The following DIXDC1 variants were observed in gnomAD, a reference collection of about 807,000 sequenced individuals.
DIXDC1 encodes dixin.
In DIXDC1, 64 loss-of-function variants were observed where a neutral mutation model predicts 103.1. The observed-to-expected ratio is 0.62, with a 90% CI of 0.51 to 0.76. The LOEUF is 0.76. DIXDC1 is among the 30% of genes least tolerant of loss of function. The pLI is 0.00. For missense variants in DIXDC1, 759 were observed against 834.2 expected (o/e 0.91, Z 1.11); for synonymous variants, 266 against 298.5 (o/e 0.89, Z 1.12).
chr11:111,993,538 G>A lies in DIXDC1; in HGVS notation c.1315G>A (p.Ala439Thr), dbSNP rs1860776627. The A allele has an allele frequency of 6.2e-7, 1 of 1,613,980 alleles. No individual in the cohort carries two copies. Among genetic ancestry groups the A allele is most frequent in the East Asian group, 2.2e-5 (1 of 44,884 alleles). ...GGATCGCCTTCTTCAGCAGCACCAG[G>A]CCAAGTTAGAAGAAGCACTCCGGAA... Reference protein sequence around the residue: ...QKDRLLQQHQAKLEEALRKLS... With the variant: ...QKDRLLQQHQTKLEEALRKLS... The change falls in exon 13 of 20, where the codon GCC (alanine) becomes ACC (threonine). Residue 439 changes from alanine to threonine, a missense_variant. By Grantham distance (58) the Ala-to-Thr change is moderately conservative (BLOSUM62 0). Coordinates refer to ENST00000440460, the MANE Select transcript of DIXDC1 (RefSeq NM_001037954.4).
At chr11:111,933,969 G>A (rs970804965), upstream of DIXDC1, among the ~76,000 whole-genome samples, 2 of 152,202 alleles carry the variant, frequency 1.3e-5, no homozygotes, top group African/African-American at 4.8e-5. Flanking sequence ...ATTAACAGAC[G>A]TGATTAATGT....
intron 2 of DIXDC1, among the ~76,000 whole-genome samples, chr11:111,930,384 A>G (rs1965971634): frequency 6.6e-6 from 1 of 152,008 alleles, no homozygotes; most frequent in Admixed American, 6.6e-5. Flanking sequence ...GGTTCAAGCA[A>G]TTCTCCTGCC....
intron 17 of DIXDC1, among the ~76,000 whole-genome samples, chr11:112,001,322 C>T (rs966413771): frequency 2.6e-5 from 4 of 152,150 alleles, no homozygotes; most frequent in African/African-American, 4.8e-5. Flanking sequence ...AGGGAATAAC[C>T]ACTCAGTGCA....
upstream of DIXDC1, among the ~76,000 whole-genome samples, chr11:111,936,601 C>G (rs1966193023): frequency 6.6e-6 from 1 of 152,212 alleles, no homozygotes; most frequent in Non-Finnish European, 1.5e-5. Flanking sequence ...TAGCACTGTT[C>G]TATTGAATGT....
At chr11:111,943,125 T>A (rs912558242) in intron 1 of DIXDC1, among the ~76,000 whole-genome samples, 2 of 152,242 alleles carry the variant, frequency 1.3e-5, no homozygotes, top group Non-Finnish European at 2.9e-5. Context: ...ATTTATTTTT[T>A]AAATTTTGAT....
chr11:111,952,317 A>G (rs782670450), intron 1 of DIXDC1, among the ~76,000 whole-genome samples: 9 of 152,214 alleles, frequency 5.9e-5, no homozygotes, highest in Non-Finnish European at 7.3e-5. Context: ...CCCAGTAAAA[A>G]TTCCAAGAAG....
chr11:111,946,748 A>G (rs1170542752), intron 1 of DIXDC1: 49 of 476,714 alleles, frequency 1.0e-4, no homozygotes, highest in Admixed American at 1.0e-3. Context: ...CGGCCTGGGC[A>G]CACGCCACAT....
chr11:111,980,108 A>G lies in DIXDC1; in HGVS notation c.657-629A>G, dbSNP rs1268711005. On this transcript the variant is annotated intron_variant, in intron 5 of 19. Transcript: ENST00000440460. ...CCTAGCAGGTCTTTCCCCTTTTGAC[A>G]TATTATCTTCCCCTTGTCATGCTCT... Among the ~76,000 whole-genome samples the G allele has an allele frequency of 2.0e-5, 3 of 152,204 alleles. No homozygotes were observed. In the Middle Eastern group the frequency reaches 9.6e-3, roughly 485 times the overall value.
rs1201854923 is a variant in DIXDC1 at position 112,022,606 on chromosome 11, G to C, written c.*3570G>C. On this transcript the variant is annotated 3_prime_UTR_variant, in exon 20 of 20. Transcript: ENST00000440460. This position sits in a 1 kb window ranked among gnomAD's most constrained non-coding sequence, Gnocchi z 4.9. ...TAAATATCATTAATGATTTTCACTT[G>C]CGTTTACTGATGAGATTAATCAATA... The C allele has an allele frequency of 2.0e-5, 3 of 152,572 alleles. No individual in the cohort carries two copies. The East Asian group carries it at 5.8e-4, about 29-fold the overall frequency. The allele number at this position is 152,572 out of a possible 1,614,324, so 9.5% of individuals were successfully genotyped here.
intron 1 of DIXDC1, among the ~76,000 whole-genome samples, chr11:111,948,846 G>A (rs1368813061): frequency 7.2e-5 from 11 of 152,268 alleles, no homozygotes; most frequent in African/African-American, 2.2e-4. Flanking sequence ...ATCAGAGGAC[G>A]CAGCTCTTTT....
Position 112,020,654 on chromosome 11 carries a change from T to G in DIXDC1, c.*1618T>G, listed in dbSNP as rs1280766732. On this transcript the variant is annotated 3_prime_UTR_variant, in exon 20 of 20. Transcript: ENST00000440460. ...TGTGGTTTCAGAACAAGCTTTATTTTATTACGAGTATATTAATGACAACTA... is the reference window on the plus strand; with the variant it reads ...TGTGGTTTCAGAACAAGCTTTATTTGATTACGAGTATATTAATGACAACTA... 1.4e-4 allele frequency: 22 copies of G among 152,216 alleles called. No homozygotes were observed. The highest frequency in any genetic ancestry group is 1.4e-3 in the Admixed American group (21 of 15,276). 9.4% of individuals were successfully genotyped at this position (152,216 alleles called of 1,614,324 possible).
intron 3 of DIXDC1, among the ~76,000 whole-genome samples, chr11:111,969,069 G>A (rs1859825436): frequency 6.6e-6 from 1 of 151,986 alleles, no homozygotes; most frequent in African/African-American, 2.4e-5. Flanking sequence ...GTGAGCCATT[G>A]TGCCCGGGCA....
chr11:111,968,764 A>G, intron 3 of DIXDC1, 126 bp downstream of exon 3: 2 of 1,147,568 alleles, frequency 1.7e-6, no homozygotes, highest in South Asian at 5.6e-5. Flanking sequence ...TTTATTTTTT[A>G]TTTTTTATTT....
At chr11:111,965,453 T>C (rs1859697594) in intron 2 of DIXDC1, among the ~76,000 whole-genome samples, 1 of 152,186 alleles carries the variant, frequency 6.6e-6, no homozygotes, top group Non-Finnish European at 1.5e-5. Context: ...GTTAGCTGAT[T>C]TTGCTTTGAG....
intron 1 of DIXDC1, among the ~76,000 whole-genome samples, chr11:111,955,496 A>G (rs185003015): frequency 2.9e-4 from 44 of 152,140 alleles, no homozygotes; most frequent in Admixed American, 2.6e-4. Flanking sequence ...AACAGGCCAT[A>G]TGGTTCAGCA....
chr11:112,007,852 C>T (rs1555176769), intron 17 of DIXDC1, among the ~76,000 whole-genome samples: 2 of 152,104 alleles, frequency 1.3e-5, no homozygotes, highest in South Asian at 2.1e-4. Context: ...ACTGCAAAAA[C>T]ATGCCAAATT....
At chr11:111,990,362 A>G (rs782390900) in intron 10 of DIXDC1, among the ~76,000 whole-genome samples, 7 of 151,428 alleles carry the variant, frequency 4.6e-5, no homozygotes, top group Non-Finnish European at 1.0e-4. Context: ...AAGTGCTGGG[A>G]TTACAGGTGT....
intron 15 of DIXDC1, 98 bp from the exon 16 acceptor site, chr11:111,995,305 G>C (rs1253016994): frequency 2.0e-6 from 3 of 1,516,458 alleles, no homozygotes; most frequent in Non-Finnish European, 2.7e-6. Context: ...TTCTGTGGGG[G>C]AAAAATCTTC....
intron 17 of DIXDC1, among the ~76,000 whole-genome samples, chr11:112,012,713 C>G (rs1861461854): frequency 6.6e-6 from 1 of 152,116 alleles, no homozygotes; most frequent in Non-Finnish European, 1.5e-5. Flanking sequence ...TATAGTAATG[C>G]CATAATACTG....
Sources: gnomAD v4.1 joint callset for allele counts (sites outside exome capture counted in the v4.1 genomes callset) on GRCh38, gnomAD v4.1.1 for gene constraint, Gnocchi (gnomAD v3.1) non-coding constraint, MANE v1.5 for transcripts, NCBI Gene and HGNC (gene_info 2026-07-23, HGNC 2026-07-21) for gene names.